ATP8A2: variants seen among roughly 807,000 people sequenced by gnomAD.
The protein encoded by ATP8A2 is phospholipid-transporting ATPase IB.
In ATP8A2, 100 loss-of-function variants were observed where a neutral mutation model predicts 165.6. That is an observed-to-expected ratio of 0.60 (90% CI 0.51 to 0.71). ATP8A2 has a LOEUF of 0.71. Among genes scored for constraint, ATP8A2 ranks in the 30% least tolerant of loss-of-function variants. The pLI, the probability that ATP8A2 is intolerant of heterozygous loss-of-function variation, is 0.00. For synonymous variants in ATP8A2, 543 were observed against 548.8 expected (o/e 0.99, Z 0.15); for missense variants, 1,227 against 1,479.5 (o/e 0.83, Z 2.80).
chr13:25,589,126 A>T (rs2040001019), intron 23 of ATP8A2, among the ~76,000 whole-genome samples: 1 of 152,230 alleles, frequency 6.6e-6, no homozygotes, highest in Non-Finnish European at 1.5e-5. Flanking sequence ...AAGCCTTTTT[A>T]AAATAACAAC....
intron 33 of ATP8A2, among the ~76,000 whole-genome samples, chr13:25,882,196 A>G (rs571514651): frequency 6.6e-6 from 1 of 152,336 alleles, no homozygotes; most frequent in East Asian, 1.9e-4. Context: ...ACCACGAGAT[A>G]ATGACGGAAA....
intron 1 of ATP8A2, among the ~76,000 whole-genome samples, chr13:25,377,205 G>A (rs1359385375): frequency 6.6e-6 from 1 of 152,160 alleles, no homozygotes; most frequent in Admixed American, 6.5e-5. Flanking sequence ...TTCCTCCTTG[G>A]ATCTTTACAT....
intron 24 of ATP8A2, among the ~76,000 whole-genome samples, chr13:25,613,655 A>AT (rs1487249262): frequency 1.3e-5 from 2 of 152,128 alleles, no homozygotes; most frequent in Non-Finnish European, 2.9e-5. Flanking sequence ...TTCTCTCAGC[A>AT]TTTTTTTGTC....
chr13:25,502,021 T>C (rs530690594), intron 2 of ATP8A2, among the ~76,000 whole-genome samples: 1 of 152,352 alleles, frequency 6.6e-6, no homozygotes, highest in Admixed American at 6.5e-5. Flanking sequence ...AGAAAGGCAT[T>C]GTGAATTTAT....
At chr13:25,988,702 G>A (rs1956321078) in intron 35 of ATP8A2, among the ~76,000 whole-genome samples, 1 of 152,054 alleles carries the variant, frequency 6.6e-6, no homozygotes, top group African/African-American at 2.4e-5. Context: ...ATTTCCAAAA[G>A]GACTCCAAGT....
At chr13:25,944,234 G>A (rs756169956) in intron 33 of ATP8A2, among the ~76,000 whole-genome samples, 9 of 152,156 alleles carry the variant, frequency 5.9e-5, no homozygotes, top group African/African-American at 2.4e-5. Flanking sequence ...AGAGCTGGGC[G>A]GGTGGCTCAC....
intron 25 of ATP8A2, among the ~76,000 whole-genome samples, chr13:25,738,340 TCCC>T (rs55875449): frequency 0.034 from 3,357 of 99,290 alleles, 145 homozygotes; most frequent in African/African-American, 0.089. Context: ...TGTGCCCCCC[TCCC>T]CCCCCCCCAC....
intron 24 of ATP8A2, among the ~76,000 whole-genome samples, chr13:25,640,017 A>G (rs148187442): frequency 0.035 from 5,262 of 152,278 alleles, 157 homozygotes; most frequent in East Asian, 0.13. Context: ...GGTACATAAC[A>G]AAATGAAGGC....
At chr13:25,705,708 A>G (rs908692763) in intron 25 of ATP8A2, among the ~76,000 whole-genome samples, 1 of 152,218 alleles carries the variant, frequency 6.6e-6, no homozygotes, top group Admixed American at 6.5e-5. Flanking sequence ...ATACAGACAA[A>G]CAAGAAGAAA....
rs538290427 is a variant in ATP8A2, at chr13:25,542,531, T to A, written c.779+485T>A. Among the ~76,000 whole-genome samples the A allele has an allele frequency of 1.9e-4, 29 of 152,292 alleles. 3 individuals are homozygous for A. In the South Asian group the frequency reaches 4.8e-3, roughly 25 times the overall value. The stretch of plus-strand genomic sequence containing the variant: ...ATCTTTGTTCTTCTGGCATTTGTTA[T>A]GTTGTTCTGGAGTTGTCTTTTGTTC... On this transcript the variant is annotated intron_variant, in intron 9 of 36. Coordinates refer to ENST00000381655, the MANE Select transcript of ATP8A2 (RefSeq NM_016529.6).
At chr13:25,755,786 A>T in intron 25 of ATP8A2, among the ~76,000 whole-genome samples, 1 of 152,102 alleles carries the variant, frequency 6.6e-6, no homozygotes, top group Non-Finnish European at 1.5e-5. Context: ...GGGCATGTAT[A>T]ATCCCAGCTA....
chr13:25,846,047 A>G (rs1272003435), intron 30 of ATP8A2, among the ~76,000 whole-genome samples: 2 of 152,204 alleles, frequency 1.3e-5, no homozygotes, highest in Non-Finnish European at 2.9e-5. Flanking sequence ...TTGGTGGCGC[A>G]TGCCTGTAAC....
intron 34 of ATP8A2, among the ~76,000 whole-genome samples, chr13:25,963,048 A>G (rs1184647868): frequency 1.3e-5 from 2 of 152,188 alleles, no homozygotes; most frequent in African/African-American, 4.8e-5. Flanking sequence ...CAGAAATGAA[A>G]AGATTACAGC....
intron 27 of ATP8A2, among the ~76,000 whole-genome samples, chr13:25,794,260 A>G (rs1327792887): frequency 1.3e-5 from 2 of 152,224 alleles, no homozygotes; most frequent in Admixed American, 1.3e-4. Flanking sequence ...ACCAAATACT[A>G]GAAACAACCT....
chr13:25,543,306 G>A lies in ATP8A2; in HGVS notation c.795G>A (p.Gly265=). ...NLDGKSLVAL[G]PDQILLRGTQ... ...TTATTTTTAGCCTTGTTGCCCTTGG[G>A]CCTGACCAGATCTTATTAAGAGGTA... The change falls in exon 10 of 37, where the codon GGG becomes GGA. Residue 265 remains glycine (G), a synonymous_variant. Transcript: ENST00000381655. The A allele has an allele frequency of 1.2e-6, 2 of 1,607,758 alleles. No individual in the cohort carries two copies. The highest frequency in any genetic ancestry group is 1.7e-6 in the Non-Finnish European group (2 of 1,175,374).
At chr13:25,683,861 T>C (rs2042546272) in intron 24 of ATP8A2, among the ~76,000 whole-genome samples, 1 of 152,198 alleles carries the variant, frequency 6.6e-6, no homozygotes, top group African/African-American at 2.4e-5. Context: ...ACTCCTAATG[T>C]CCTGGCATAT....
At chr13:25,707,465 A>G (rs2043076765) in intron 25 of ATP8A2, among the ~76,000 whole-genome samples, 2 of 152,212 alleles carry the variant, frequency 1.3e-5, no homozygotes, top group Admixed American at 1.3e-4. Flanking sequence ...GTAGCGTATC[A>G]ACTTTGTTTC....
At chr13:25,469,246 C>T (rs1459534643) in intron 2 of ATP8A2, 125 bp downstream of exon 2, 9 of 1,208,382 alleles carry the variant, frequency 7.4e-6, no homozygotes, top group African/African-American at 3.0e-5. Context: ...AGAGCCTTCC[C>T]CTGCCCCCTC....
rs1224443352 is a variant in ATP8A2, at chr13:25,537,935, G to A, written c.508-53G>A. 3.0e-4 allele frequency: 376 copies of A among 1,254,944 alleles called. 3 individuals carry two copies. The highest frequency in any genetic ancestry group is 1.5e-5 in the African/African-American group (1 of 67,588). 77.7% of individuals were successfully genotyped at this position (1,254,944 alleles called of 1,614,324 possible). ...TATTTAAGCACCTTTTTCACCATGT[G>A]TGTTTTGTTTCTTTTCTTTCGTGCC... On this transcript the variant is annotated intron_variant, in intron 6 of 36. Coordinates refer to ENST00000381655, the MANE Select transcript of ATP8A2 (RefSeq NM_016529.6).
Sources: gnomAD v4.1 joint callset for allele counts (sites outside exome capture counted in the v4.1 genomes callset) on GRCh38, gnomAD v4.1.1 for gene constraint, MANE v1.5 for transcripts, NCBI Gene and HGNC (gene_info 2026-07-23, HGNC 2026-07-21) for gene names.